The following BBOF1 variants were observed in gnomAD, a reference collection of about 807,000 sequenced individuals.
BBOF1 encodes basal body orientation factor 1, also known as basal body-orientation factor 1.
BBOF1 carries 62 observed loss-of-function variants against 68.0 expected under a neutral mutation model. The ratio of observed to expected loss-of-function variants is 0.91; its 90% CI spans 0.74 to 1.13. BBOF1 has a LOEUF of 1.13. Ranked by LOEUF, BBOF1 falls within the 50% of genes most tolerant of loss-of-function variation. The pLI is 0.00. For missense variants in BBOF1, 534 were observed against 600.1 expected (o/e 0.89, Z 1.15); for synonymous variants, 208 against 198.8 (o/e 1.05, Z -0.39).
At chr14:74,061,820 A>G (rs780134036) in intron 11 of BBOF1, among the ~76,000 whole-genome samples, 5 of 152,162 alleles carry the variant, frequency 3.3e-5, no homozygotes, top group Non-Finnish European at 7.3e-5. Context: ...AGGCTTGAGC[A>G]AAAGAGAATA....
At chr14:74,055,817 C>T (rs559403036) in intron 9 of BBOF1, 132 bp downstream of exon 9, 69 of 595,772 alleles carry the variant, frequency 1.2e-4, no homozygotes, top group African/African-American at 1.1e-3. Context: ...AAAGGCCCTA[C>T]TGCTTAACTA....
chr14:74,043,302 G>C (rs2139543154), intron 5 of BBOF1, among the ~76,000 whole-genome samples: 1 of 151,684 alleles, frequency 6.6e-6, no homozygotes, highest in East Asian at 2.0e-4. Context: ...TGTAATCCCA[G>C]CACTTTGGGA....
Position 74,047,950 on chromosome 14 carries a change from G to C in BBOF1, c.668G>C (p.Arg223Thr). The C allele has an allele frequency of 6.2e-7, 1 of 1,609,064 alleles. No individual in the cohort carries two copies. The highest frequency in any genetic ancestry group is 1.1e-5 in the South Asian group (1 of 89,532). ...EAIVQLNDAG[R>T]NVFKENDYLQ... The stretch of plus-strand genomic sequence containing the variant: ...TTCAGGCAATTGAACGATGCTGGAA[G>C]AAATGTTTTTAAAGAGAATGATTAT... Residue 223 changes from arginine to threonine, a missense_variant, in exon 7 of 12, where the codon AGA becomes ACA. By Grantham distance (71) the Arg-to-Thr change is moderately conservative (BLOSUM62 -1). Transcript: ENST00000394009.
intron 5 of BBOF1, 137 bp from the exon 6 acceptor site, chr14:74,045,923 T>C (rs1354027284): frequency 3.1e-6 from 2 of 650,752 alleles, no homozygotes; most frequent in Non-Finnish European, 5.1e-6. Context: ...TTTGTCAGCT[T>C]CTCCACCAGT....
intron 11 of BBOF1, among the ~76,000 whole-genome samples, chr14:74,063,691 C>T (rs1483288814): frequency 1.3e-5 from 2 of 150,684 alleles, no homozygotes; most frequent in African/African-American, 2.4e-5. Flanking sequence ...AATGGTGAAA[C>T]CCTATCTCCA....
chr14:74,044,984 T>C (rs961428390), intron 5 of BBOF1, among the ~76,000 whole-genome samples: 1 of 152,140 alleles, frequency 6.6e-6, no homozygotes, highest in Non-Finnish European at 1.5e-5. Flanking sequence ...TCATCCCGCC[T>C]TGGCCTCCCA....
intron 11 of BBOF1, chr14:74,060,351 A>G: frequency 2.8e-6 from 1 of 354,522 alleles, no homozygotes; most frequent in Non-Finnish European, 5.4e-6. Context: ...ATCATCAGAA[A>G]ATGGGATAAT....
At chr14:74,077,345 T>C (rs146483497) in intron 9 of BBOF1, among the ~76,000 whole-genome samples, 15 of 152,328 alleles carry the variant, frequency 9.8e-5, no homozygotes, top group African/African-American at 3.4e-4. Context: ...TTGTAATTGT[T>C]TGGTATCTTA....
chr14:74,038,351 C>T (rs527791711), intron 4 of BBOF1, among the ~76,000 whole-genome samples: 1 of 152,322 alleles, frequency 6.6e-6, no homozygotes, highest in Admixed American at 6.5e-5. Context: ...TACAGGTATA[C>T]ATTCTGAATT....
At chr14:74,023,469 T>C (rs997793430) in intron 2 of BBOF1, among the ~76,000 whole-genome samples, 3 of 152,198 alleles carry the variant, frequency 2.0e-5, no homozygotes, top group Non-Finnish European at 4.4e-5. Context: ...TGATTTTTAG[T>C]TTTAAAAATT....
At chr14:74,032,783 C>T (rs1433871258) in intron 3 of BBOF1, among the ~76,000 whole-genome samples, 3 of 152,160 alleles carry the variant, frequency 2.0e-5, no homozygotes, top group Admixed American at 6.6e-5. Flanking sequence ...TGAGCCACCA[C>T]GTCTGGCCCA....
chr14:74,054,158 G>A (rs1226407378), intron 8 of BBOF1, among the ~76,000 whole-genome samples: 1 of 151,980 alleles, frequency 6.6e-6, no homozygotes, highest in Non-Finnish European at 1.5e-5. Flanking sequence ...TTACAGGTGT[G>A]AACCACTGCG....
chr14:74,052,253 A>G lies in BBOF1; in HGVS notation c.1286+2058A>G, dbSNP rs150723928. On this transcript the variant is annotated intron_variant, in intron 8 of 11. Coordinates refer to ENST00000394009, the MANE Select transcript of BBOF1 (RefSeq NM_025057.3). Reference sequence around the variant, plus strand: ...TTACTGCAGTAACTGGACTCTTCCTATTCTGTGTTCTATGTGACATTTTTG... The same window carrying G: ...TTACTGCAGTAACTGGACTCTTCCTGTTCTGTGTTCTATGTGACATTTTTG... 3.6e-3 allele frequency among the ~76,000 whole-genome samples: 549 copies of G among 151,928 alleles called. 4 individuals are homozygous for G. Among genetic ancestry groups the G allele is most frequent in the Middle Eastern group, 0.01 (3 of 294 alleles).
rs753935374 is a variant in BBOF1 at position 74,019,435 on chromosome 14, C to T, written c.-44C>T. The T allele has an allele frequency of 9.5e-6, 15 of 1,580,230 alleles. No homozygotes were observed. Among genetic ancestry groups the T allele is most frequent in the Admixed American group, 1.8e-5 (1 of 54,682 alleles). ...TGGAGACAGAGCTGGCCAGGGCGGC[C>T]GCGGCTGGGCAACTACGACAGCGGA... On this transcript the variant is annotated 5_prime_UTR_variant, in exon 1 of 12. Transcript: ENST00000394009.
intron 11 of BBOF1, among the ~76,000 whole-genome samples, chr14:74,062,147 A>G (rs2060360000): frequency 6.6e-6 from 1 of 151,310 alleles, no homozygotes; most frequent in South Asian, 2.1e-4. Flanking sequence ...AAGTGAGCCG[A>G]GAATGCACCA....
intron 4 of BBOF1, among the ~76,000 whole-genome samples, chr14:74,039,394 A>T (rs144141893): frequency 6.6e-6 from 1 of 152,066 alleles, no homozygotes; most frequent in Non-Finnish European, 1.5e-5. Context: ...TGTGGGGATC[A>T]TCTAAGGAAT....
intron 8 of BBOF1, chr14:74,055,336 A>G: frequency 2.7e-6 from 1 of 366,244 alleles, no homozygotes; most frequent in Admixed American, 4.1e-5. Flanking sequence ...TTTAGTAGAG[A>G]CGAGCTTTCA....
intron 5 of BBOF1, 123 bp from the exon 6 acceptor site, chr14:74,045,937 T>A (rs1566808177): frequency 2.7e-6 from 2 of 741,778 alleles, no homozygotes; most frequent in Non-Finnish European, 4.3e-6. Flanking sequence ...CACCAGTGCT[T>A]GGAGTTCTTT....
At chr14:74,076,616 A>C (rs1221846547) in intron 9 of BBOF1, among the ~76,000 whole-genome samples, 1 of 152,200 alleles carries the variant, frequency 6.6e-6, no homozygotes, top group Admixed American at 6.5e-5. Context: ...GGCTCACTGC[A>C]ACCTCCACCT....
Sources: allele counts gnomAD v4.1 joint callset (sites outside exome capture counted in the v4.1 genomes callset), GRCh38; gene constraint gnomAD v4.1.1; transcripts MANE v1.5; gene names NCBI Gene and HGNC (gene_info 2026-07-23, HGNC 2026-07-21).